Variants in WIZ observed in about 807,000 individuals in gnomAD.
WIZ encodes protein Wiz.
A neutral mutation model predicts 140.2 loss-of-function variants in WIZ; 25 were observed. The observed-to-expected ratio is 0.18, with a 90% CI of 0.13 to 0.25. WIZ has a LOEUF of 0.25. Among genes scored for constraint, WIZ ranks in the 10% least tolerant of loss-of-function variants. WIZ has a pLI of 1.00. For missense variants in WIZ, 2,231 were observed against 2,632.6 expected, an observed-to-expected ratio of 0.85 and a Z score of 3.34; for synonymous variants, 1,125 against 1,154.3, an observed-to-expected ratio of 0.97 and a Z score of 0.51.
rs1172917548 is a variant in WIZ at position 15,428,207 on chromosome 19, C to A, written c.3717G>T (p.Ala1239=). The part of the protein sequence containing the change: ...PPAKKAKLKA[A]GMASPWGKQD... ...GCTTCCCCCAGGGGCTGGCCATACC[C>A]GCGGCCTTCAGCTTGGCCTTCTTGG... The change falls in exon 8 of 13, where the codon GCG becomes GCT. Residue 1239 remains alanine, a synonymous_variant. Coordinates refer to ENST00000673675, the MANE Select transcript of WIZ (RefSeq NM_001371589.1). The surrounding 1 kb of genome is among the most constrained non-coding windows in gnomAD (Gnocchi z 6.4). The A allele has an allele frequency of 3.9e-6, 6 of 1,533,854 alleles. No individual in the cohort carries two copies. Among genetic ancestry groups the A allele is most frequent in the Non-Finnish European group, 5.2e-6 (6 of 1,146,528 alleles).
intron 3 of WIZ, among the ~76,000 whole-genome samples, chr19:15,441,893 T>C (rs918849282): frequency 2.6e-5 from 4 of 152,086 alleles, no homozygotes; most frequent in Admixed American, 1.3e-4. Context: ...CCTGATAAAC[T>C]TACTATGACC....
chr19:15,439,667 C>G lies in WIZ; in HGVS notation c.1327G>C (p.Gly443Arg). The change falls in exon 4 of 13, where the codon GGC (glycine) becomes CGC (arginine). Residue 443 changes from glycine (G) to arginine (R), a missense_variant. This residue lies in a region of WIZ where 475 missense variants were observed against 520.2 expected (regional missense o/e 0.91). Coordinates refer to ENST00000673675, the MANE Select transcript of WIZ (RefSeq NM_001371589.1). This position sits in a 1 kb window ranked among gnomAD's most constrained non-coding sequence, Gnocchi z 7.0. ...KEPFGGSSGA[G>R]SPSPEASALL... ...GCGCTGGCCTCAGGGCTGGGGCTGC[C>G]AGCCCCGCTGCTGCCTCCAAAAGGC... is the stretch of plus-strand genomic sequence containing the variant. 6.7e-7 allele frequency: 1 copy of G among 1,501,470 alleles called. No individual in the cohort carries two copies. Among genetic ancestry groups the G allele is most frequent in the South Asian group, 1.3e-5 (1 of 79,918 alleles). The allele number at this position is 1,501,470 out of a possible 1,614,324, so 93.0% of individuals were successfully genotyped here.
rs1160072511 is a variant in WIZ at position 15,420,448 on chromosome 19, C to G, written c.*2628G>C. The stretch of plus-strand genomic sequence containing the variant: ...CATCTCCCCATCAGCCTCAGGGATG[C>G]CTGCCTGTCTTCCAAACCAAGGCAG... On this transcript the variant is annotated 3_prime_UTR_variant, in exon 13 of 13. Transcript: ENST00000673675. 1 of 152,222 alleles carries G rather than the reference C, an allele frequency of 6.6e-6. No homozygotes were observed. The highest frequency in any genetic ancestry group is 1.5e-5 in the Non-Finnish European group (1 of 68,042). 9.4% of individuals were successfully genotyped at this position (152,222 alleles called of 1,614,324 possible). A position where few individuals can be genotyped will look rare whatever the true frequency, so the allele number is the denominator to read the frequency against.
In WIZ at chr19:15,440,990, G is replaced by A. The variant is rs1004762875; in HGVS notation, c.279-275C>T. On this transcript the variant is annotated intron_variant, in intron 3 of 12. Coordinates refer to ENST00000673675, the MANE Select transcript of WIZ (RefSeq NM_001371589.1). This position sits in a 1 kb window ranked among gnomAD's most constrained non-coding sequence, Gnocchi z 6.2. ...GGGAATGTACGGAGACCACCCCTGG[G>A]CCACACGGGGATGTGGCCACCTCTA... Among the ~76,000 whole-genome samples the A allele has an allele frequency of 1.3e-5, 2 of 152,112 alleles. No individual in the cohort carries two copies. Among genetic ancestry groups the A allele is most frequent in the Non-Finnish European group, 2.9e-5 (2 of 68,012 alleles).
rs1021637367 is a variant in WIZ at position 15,445,315 on chromosome 19, G to A, written c.206-2567C>T. ...GATCCGAGTTCAATACCCCAGGGGTGCCCTGAAGGGCGTGCCTCTCCCACT... is the reference window on the plus strand; with the variant it reads ...GATCCGAGTTCAATACCCCAGGGGTACCCTGAAGGGCGTGCCTCTCCCACT... On this transcript the variant is annotated intron_variant, in intron 2 of 12. Coordinates refer to ENST00000673675, the MANE Select transcript of WIZ (RefSeq NM_001371589.1). 2.0e-5 allele frequency among the ~76,000 whole-genome samples: 3 copies of A among 152,352 alleles called. No homozygotes were observed. The South Asian group carries it at 6.2e-4, about 32-fold the overall frequency.
At position 15,439,195 on chromosome 19, in the gene WIZ, G is replaced by A; in HGVS notation, c.1799C>T (p.Thr600Ile). 1 of 1,535,706 alleles carries A rather than the reference G, an allele frequency of 6.5e-7. No homozygotes were observed. The highest frequency in any genetic ancestry group is 8.7e-7 in the Non-Finnish European group (1 of 1,146,704). ...YSLQLGRNKS[T>I]VHPQGLGERR... The stretch of plus-strand genomic sequence containing the variant: ...TTCCCCCAGCCCTTGTGGGTGGACG[G>A]TGCTTTTGTTTCTCCCGAGCTGTAA... The change falls in exon 4 of 13, where the codon ACC (threonine) becomes ATC (isoleucine). Residue 600 changes from threonine to isoleucine, a missense_variant. By Grantham distance (89) the Thr-to-Ile change is moderately conservative. This residue lies in a region of WIZ where 475 missense variants were observed against 520.2 expected (regional missense o/e 0.91). Transcript: ENST00000673675. The surrounding 1 kb of genome is among the most constrained non-coding windows in gnomAD (Gnocchi z 7.0).
rs573596380 is a variant in WIZ, at chr19:15,428,155, C to T, written c.3769G>A (p.Gly1257Ser). The T allele has an allele frequency of 2.8e-5, 43 of 1,534,478 alleles. No homozygotes were observed. Among genetic ancestry groups the T allele is most frequent in the East Asian group, 4.9e-5 (2 of 40,894 alleles). ...KQDLSAAAAA[G>S]IFWASDVEPS... The stretch of plus-strand genomic sequence containing the variant: ...TCCACATCAGAGGCCCAGAAAATGC[C>T]GGCGGCTGCGGCGGCCGAGAGGTCC... The change falls in exon 8 of 13, where the codon GGC becomes AGC. Residue 1257 changes from glycine to serine, a missense_variant. Coordinates refer to ENST00000673675, the MANE Select transcript of WIZ (RefSeq NM_001371589.1). This position sits in a 1 kb window ranked among gnomAD's most constrained non-coding sequence, Gnocchi z 6.4.
In WIZ at chr19:15,431,078, G is replaced by A. The variant is rs376693815; in HGVS notation, c.2845C>T (p.Arg949Trp). ...TCTGCAGCCACTTTGCTGCTCAGCC[G>A]ACTGGCCACCTGCTCCAGGGCCCCA... The part of the protein sequence containing the change: ...VPGALEQVAS[R>W]LSSKVAAEVP... Residue 949 changes from arginine (R) to tryptophan (W), a missense_variant, in exon 6 of 13, where the codon CGG (arginine) becomes TGG (tryptophan). Transcript: ENST00000673675. The A allele has an allele frequency of 7.8e-6, 12 of 1,535,802 alleles. No individual in the cohort carries two copies. The highest frequency in any genetic ancestry group is 2.4e-5 in the East Asian group (1 of 40,922).
rs72994102 is a variant in WIZ at position 15,442,823 on chromosome 19, C to A, written c.206-75G>T. 32 of 969,130 alleles carry A rather than the reference C, an allele frequency of 3.3e-5. No individual in the cohort carries two copies. The highest frequency in any genetic ancestry group is 2.2e-4 in the African/African-American group (13 of 59,592). 60.0% of individuals were successfully genotyped at this position (969,130 alleles called of 1,614,324 possible). On this transcript the variant is annotated intron_variant, in intron 2 of 12. Transcript: ENST00000673675. This position sits in a 1 kb window ranked among gnomAD's most constrained non-coding sequence, Gnocchi z 5.5. Reference sequence around the variant, plus strand: ...GCCCTCCACACCCCAGCTCCAGGAGCCCTGCCAGGTGCCTCAGAAAGGCCC... The same window carrying A: ...GCCCTCCACACCCCAGCTCCAGGAGACCTGCCAGGTGCCTCAGAAAGGCCC...
chr19:15,423,098 G>A lies in WIZ; in HGVS notation c.5648C>T (p.Thr1883Ile), dbSNP rs750179819. ...GTGTTAGGGAGCCTCTGCCGCCGCTGTCTGTGCCTGCGGGGCCTGGGACTC... is the reference window on the plus strand; with the variant it reads ...GTGTTAGGGAGCCTCTGCCGCCGCTATCTGTGCCTGCGGGGCCTGGGACTC... ...PEESQAPQAQ[T>I]AAAEAP is the part of the protein sequence containing the mutation. Residue 1883 changes from threonine (T) to isoleucine (I), a missense_variant, in exon 13 of 13, where the codon ACA becomes ATA. This residue lies in a region of WIZ where 299 missense variants were observed against 309.6 expected (regional missense o/e 0.97). Transcript: ENST00000673675. 1.2e-6 allele frequency: 2 copies of A among 1,612,126 alleles called. No individual in the cohort carries two copies. Among genetic ancestry groups the A allele is most frequent in the South Asian group, 1.1e-5 (1 of 90,980 alleles).
chr19:15,437,059 C>A lies in WIZ; in HGVS notation c.2487G>T (p.Arg829=), dbSNP rs376885063. 6 of 1,613,122 alleles carry A rather than the reference C, an allele frequency of 3.7e-6. No homozygotes were observed. In the African/African-American group the frequency reaches 6.7e-5, roughly 18 times the overall value. Residue 829 remains arginine (R), a synonymous_variant, in exon 5 of 13, where the codon CGG becomes CGT. Transcript: ENST00000673675. ...CDFCGAGFDT[R]AGLSSHARAH... is the part of the protein sequence containing the mutation. The stretch of plus-strand genomic sequence containing the variant: ...CCCGGGCGTGGCTGGAGAGGCCGGC[C>A]CGTGTGTCGAAGCCAGCCCCGCAGA...
Position 15,439,367 on chromosome 19 carries a change from A to C in WIZ, c.1627T>G (p.Tyr543Asp). ...APMWRENPAG[Y>D]DPSLAFGPGC... ...GGGCCAAAGGCCAGGCTGGGGTCGT[A>C]TCCAGCAGGGTTCTCCCGCCACATG... Residue 543 changes from tyrosine to aspartate, a missense_variant, in exon 4 of 13, where the codon TAC (tyrosine) becomes GAC (aspartate). Physicochemically the swap from Tyr to Asp is radical, Grantham distance 160. Coordinates refer to ENST00000673675, the MANE Select transcript of WIZ (RefSeq NM_001371589.1). The surrounding 1 kb of genome is among the most constrained non-coding windows in gnomAD (Gnocchi z 7.0). 6.5e-7 allele frequency: 1 copy of C among 1,533,818 alleles called. No individual in the cohort carries two copies. The highest frequency in any genetic ancestry group is 1.2e-5 in the South Asian group (1 of 83,826).
intron 5 of WIZ, among the ~76,000 whole-genome samples, chr19:15,434,067 C>T (rs1035139086): frequency 1.3e-5 from 2 of 151,844 alleles, no homozygotes; most frequent in African/African-American, 4.8e-5. Flanking sequence ...CCAGCCTGGA[C>T]AACATGGTGA....
intron 12 of WIZ, among the ~76,000 whole-genome samples, chr19:15,423,775 A>G (rs1968528951): frequency 6.6e-6 from 1 of 152,228 alleles, no homozygotes; most frequent in South Asian, 2.1e-4. Flanking sequence ...GGTAAGAATT[A>G]ACTAAGATCT....
chr19:15,426,938 C>G lies in WIZ; in HGVS notation c.4366+44G>C, dbSNP rs764175459. The G allele has an allele frequency of 2.6e-6, 4 of 1,559,906 alleles. No homozygotes were observed. In the South Asian group the frequency reaches 4.9e-5, roughly 19 times the overall value. On this transcript the variant is annotated intron_variant, in intron 9 of 12. Coordinates refer to ENST00000673675, the MANE Select transcript of WIZ (RefSeq NM_001371589.1). ...CCCCCAAGGGGAGGCAGGGAGGAGACCCCTCCAACTGTTCTCCCTGCCCTA... is the reference window on the plus strand; with the variant it reads ...CCCCCAAGGGGAGGCAGGGAGGAGAGCCCTCCAACTGTTCTCCCTGCCCTA...
At position 15,440,596 on chromosome 19, in the gene WIZ, G is replaced by A. The variant is rs1477952277; in HGVS notation, c.398C>T (p.Ala133Val). 2 of 1,535,988 alleles carry A rather than the reference G, an allele frequency of 1.3e-6. No individual in the cohort carries two copies. The highest frequency in any genetic ancestry group is 1.7e-6 in the Non-Finnish European group (2 of 1,146,852). Residue 133 changes from alanine to valine, a missense_variant, in exon 4 of 13, where the codon GCT (alanine) becomes GTT (valine). Physicochemically the swap from Ala to Val is moderately conservative, Grantham distance 64. Transcript: ENST00000673675. The surrounding 1 kb of genome is among the most constrained non-coding windows in gnomAD (Gnocchi z 6.2). ...CCGCTCAGATAGGATGCCCTCCCCA[G>A]CCTCCTGGACAAGGGGGTGCTCCCA... is the stretch of plus-strand genomic sequence containing the variant. The part of the protein sequence containing the change: ...GPWEHPLVQE[A>V]GEGILSERRF...
chr19:15,431,173 G>A lies in WIZ; in HGVS notation c.2750C>T (p.Ser917Phe), dbSNP rs1304835926. 6.6e-7 allele frequency: 1 copy of A among 1,526,180 alleles called. No homozygotes were observed. The highest frequency in any genetic ancestry group is 2.5e-5 in the East Asian group (1 of 40,478). 94.5% of individuals were successfully genotyped at this position (1,526,180 alleles called of 1,614,324 possible). A position where few individuals can be genotyped will look rare whatever the true frequency, so the allele number is the denominator to read the frequency against. Reference sequence around the variant, plus strand: ...CATGGCCACCATTGCGTTTTCCTCAGAACCCAGGCCTGTGGGTTGGGGAGA... The same window carrying A: ...CATGGCCACCATTGCGTTTTCCTCAAAACCCAGGCCTGTGGGTTGGGGAGA... ...PGPAYGDGLG[S>F]EENAMVAMDL... The change falls in exon 6 of 13, where the codon TCT (serine) becomes TTT (phenylalanine). Residue 917 changes from serine (S) to phenylalanine (F), a missense_variant. By Grantham distance (155) the Ser-to-Phe change is radical. Around this residue, in one of 15 missense-constraint regions of WIZ, gnomAD observed 137 missense variants for 135.8 expected, o/e 1.01. Coordinates refer to ENST00000673675, the MANE Select transcript of WIZ (RefSeq NM_001371589.1).
chr19:15,437,258 G>T, intron 4 of WIZ, 129 bp from the exon 5 acceptor site: 1 of 854,944 alleles, frequency 1.2e-6, no homozygotes, highest in Non-Finnish European at 1.7e-6. Context: ...GCTCCTGCCT[G>T]CTCCTCAGCT....
In WIZ at chr19:15,424,953, C is replaced by A. The variant is rs1453832003; in HGVS notation, c.4974G>T (p.Leu1658=). 1 of 1,608,700 alleles carries A rather than the reference C, an allele frequency of 6.2e-7. No individual in the cohort carries two copies. The highest frequency in any genetic ancestry group is 1.3e-5 in the African/African-American group (1 of 74,912). The change falls in exon 11 of 13, where the codon CTG becomes CTT. Residue 1658 remains leucine, a synonymous_variant. Transcript: ENST00000673675. The surrounding 1 kb of genome is among the most constrained non-coding windows in gnomAD (Gnocchi z 9.7). ...KALASHARAH[L]RQFGVTEWCV... ...ACCACTCGGTCACGCCGAACTGCCGCAGGTGTGCCCGTGCGTGGCTGGCCA... is the reference window on the plus strand; with the variant it reads ...ACCACTCGGTCACGCCGAACTGCCGAAGGTGTGCCCGTGCGTGGCTGGCCA...
Sources: gnomAD v4.1 joint callset for allele counts (sites outside exome capture counted in the v4.1 genomes callset) on GRCh38, gnomAD v4.1.1 for gene constraint, gnomAD v4.1.1 regional missense constraint, Gnocchi (gnomAD v3.1) non-coding constraint, MANE v1.5 for transcripts, NCBI Gene and HGNC (gene_info 2026-07-23, HGNC 2026-07-21) for gene names.